PIP4K2A: variants seen among roughly 807,000 people sequenced by gnomAD.
PIP4K2A encodes phosphatidylinositol 5-phosphate 4-kinase type-2 alpha.
In PIP4K2A, 14 loss-of-function variants were observed where a neutral mutation model predicts 42.9. That is an observed-to-expected ratio of 0.33 (90% CI 0.22 to 0.51). The LOEUF is 0.51. PIP4K2A is among the 20% of genes least tolerant of loss of function. PIP4K2A has a pLI of 0.97. For missense variants in PIP4K2A, 434 were observed against 519.8 expected, an observed-to-expected ratio of 0.83 and a Z score of 1.61; for synonymous variants, 192 against 192.2, an observed-to-expected ratio of 1.00 and a Z score of 0.01.
chr10:22,580,504 A>C (rs896140387), intron 4 of PIP4K2A, among the ~76,000 whole-genome samples: 8 of 151,914 alleles, frequency 5.3e-5, no homozygotes, highest in African/African-American at 2.4e-5. Flanking sequence ...AAATAAAAGA[A>C]AGACAGTGAG....
chr10:22,560,702 A>G (rs1004362036), intron 6 of PIP4K2A, among the ~76,000 whole-genome samples: 3 of 152,232 alleles, frequency 2.0e-5, no homozygotes, highest in Non-Finnish European at 4.4e-5. Flanking sequence ...AGAAGGCTGT[A>G]TGTTAAAAGG....
At chr10:22,703,221 C>T (rs1833750010) in intron 1 of PIP4K2A, among the ~76,000 whole-genome samples, 1 of 151,808 alleles carries the variant, frequency 6.6e-6, no homozygotes, top group Admixed American at 6.6e-5. Flanking sequence ...GCCTGGGCAA[C>T]ACAGCGAGAC....
chr10:22,538,929 AAAG>A lies in PIP4K2A; in HGVS notation c.1140+1039_1140+1041del, dbSNP rs1428835973. 3.9e-5 allele frequency among the ~76,000 whole-genome samples: 6 copies of A among 152,232 alleles called. 1 individual carries two copies. In the East Asian group the frequency reaches 1.2e-3, roughly 29 times the overall value. The stretch of plus-strand genomic sequence containing the variant: ...AGGCTGATTTCTATTTTAAAATAGA[AAAG>A]AAGAGGTTTCAAGTGAGTTTTTGGT... On this transcript the variant is annotated intron_variant, in intron 9 of 9. Coordinates refer to ENST00000376573, the MANE Select transcript of PIP4K2A (RefSeq NM_005028.5).
chr10:22,693,282 C>T (rs1011319174), intron 1 of PIP4K2A, among the ~76,000 whole-genome samples: 1 of 151,544 alleles, frequency 6.6e-6, no homozygotes, highest in Non-Finnish European at 1.5e-5. Context: ...TTTACAACTT[C>T]ATTTTTTTTT....
chr10:22,702,462 C>T (rs1833732610), intron 1 of PIP4K2A, among the ~76,000 whole-genome samples: 1 of 152,226 alleles, frequency 6.6e-6, no homozygotes, highest in South Asian at 2.1e-4. Flanking sequence ...TCATAGTCTT[C>T]ACGCAGTTCA....
At chr10:22,713,630 C>G (rs1165043093) in intron 1 of PIP4K2A, among the ~76,000 whole-genome samples, 2 of 152,214 alleles carry the variant, frequency 1.3e-5, no homozygotes, top group African/African-American at 4.8e-5. Flanking sequence ...AAGAAAGGAC[C>G]TAAGCACTAA....
intron 1 of PIP4K2A, among the ~76,000 whole-genome samples, chr10:22,642,464 T>C (rs553637199): frequency 1.3e-5 from 2 of 152,216 alleles, no homozygotes; most frequent in South Asian, 4.1e-4. Context: ...AGATAAATAA[T>C]TAAACATAAC....
At chr10:22,547,738 G>T (rs1836292693) in intron 7 of PIP4K2A, among the ~76,000 whole-genome samples, 1 of 152,162 alleles carries the variant, frequency 6.6e-6, no homozygotes. Context: ...TCAGGGCCGT[G>T]ATCAGAATTG....
At chr10:22,633,268 T>C (rs996117441) in intron 1 of PIP4K2A, among the ~76,000 whole-genome samples, 1 of 152,174 alleles carries the variant, frequency 6.6e-6, no homozygotes, top group African/African-American at 2.4e-5. Flanking sequence ...GAAAGGGACA[T>C]AATTTTTTAA....
At chr10:22,594,459 G>A (rs578045808) in intron 3 of PIP4K2A, among the ~76,000 whole-genome samples, 3 of 152,284 alleles carry the variant, frequency 2.0e-5, no homozygotes, top group South Asian at 2.1e-4. Flanking sequence ...ACAGTGGTGC[G>A]ATCTTGGCTC....
rs559021317 is a variant in PIP4K2A at position 22,713,766 on chromosome 10, C to T, written c.144+417G>A. ...AGCGGAAGACGCGGGCGCCGCGCGGCCCCCACACCGGGTAGCGGTCGCCCG... is the reference window on the plus strand; with the variant it reads ...AGCGGAAGACGCGGGCGCCGCGCGGTCCCCACACCGGGTAGCGGTCGCCCG... On this transcript the variant is annotated intron_variant, in intron 1 of 9. Coordinates refer to ENST00000376573, the MANE Select transcript of PIP4K2A (RefSeq NM_005028.5). Among the ~76,000 whole-genome samples the T allele has an allele frequency of 2.4e-4, 36 of 152,190 alleles. No homozygotes were observed. The East Asian group carries it at 7.0e-3, about 30-fold the overall frequency.
At chr10:22,685,948 T>C (rs1296407712) in intron 1 of PIP4K2A, among the ~76,000 whole-genome samples, 1 of 152,202 alleles carries the variant, frequency 6.6e-6, no homozygotes, top group Non-Finnish European at 1.5e-5. Context: ...AATTTACTTT[T>C]TATATATGAA....
At chr10:22,693,357 A>G (rs1366679080) in intron 1 of PIP4K2A, among the ~76,000 whole-genome samples, 2 of 151,946 alleles carry the variant, frequency 1.3e-5, no homozygotes, top group South Asian at 2.1e-4. Flanking sequence ...AGGCTTTTGG[A>G]GAGTAATACA....
intron 1 of PIP4K2A, among the ~76,000 whole-genome samples, chr10:22,672,388 T>TA (rs996586858): frequency 6.6e-6 from 1 of 152,074 alleles, no homozygotes; most frequent in Admixed American, 6.5e-5. Flanking sequence ...TCCAAAGAAT[T>TA]AAAAAAATGG....
intron 5 of PIP4K2A, among the ~76,000 whole-genome samples, chr10:22,572,196 G>A (rs755117013): frequency 2.0e-5 from 3 of 152,200 alleles, no homozygotes; most frequent in Non-Finnish European, 2.9e-5. Context: ...GTGGGTAAAC[G>A]TTTTAGGCTT....
chr10:22,573,177 G>C, intron 5 of PIP4K2A, 134 bp downstream of exon 5: 4 of 747,008 alleles, frequency 5.4e-6, no homozygotes, highest in Non-Finnish European at 8.9e-6. Flanking sequence ...TCACAGGAAG[G>C]AATACACTGC....
At chr10:22,604,399 C>A (rs73598579) in intron 3 of PIP4K2A, among the ~76,000 whole-genome samples, 1 of 151,868 alleles carries the variant, frequency 6.6e-6, no homozygotes, top group Non-Finnish European at 1.5e-5. Flanking sequence ...CAAGACAAGT[C>A]GGGACCATTT....
intron 1 of PIP4K2A, among the ~76,000 whole-genome samples, chr10:22,677,312 C>A (rs377593913): frequency 6.6e-6 from 1 of 152,078 alleles, no homozygotes; most frequent in African/African-American, 2.4e-5. Context: ...TTAATGGGCA[C>A]GCCAAATAAT....
At position 22,537,260 on chromosome 10, in the gene PIP4K2A, C is replaced by T. The variant is rs957280917; in HGVS notation, c.1162G>A (p.Val388Met). The T allele has an allele frequency of 6.2e-7, 1 of 1,604,848 alleles. No individual in the cohort carries two copies. The highest frequency in any genetic ancestry group is 8.5e-7 in the Non-Finnish European group (1 of 1,174,604). ...KHGAGAEIST[V>M]NPEQYSKRFL... ...CGCTTTGAATACTGTTCTGGGTTCA[C>T]GGTGGAGATCTCCGCGCCAGCCTGG... The change falls in exon 10 of 10, where the codon GTG becomes ATG. Residue 388 changes from valine (V) to methionine (M), a missense_variant. Val to Met is a conservative substitution (Grantham distance 21, BLOSUM62 1). Coordinates refer to ENST00000376573, the MANE Select transcript of PIP4K2A (RefSeq NM_005028.5).
Sources: gnomAD v4.1 joint callset for allele counts (sites outside exome capture counted in the v4.1 genomes callset) on GRCh38, gnomAD v4.1.1 for gene constraint, MANE v1.5 for transcripts, NCBI Gene and HGNC (gene_info 2026-07-23, HGNC 2026-07-21) for gene names.